PXDN: variants seen among roughly 807,000 people sequenced by gnomAD.
PXDN encodes the protein peroxidasin.
In PXDN, 77 loss-of-function variants were observed where a neutral mutation model predicts 140.3. That is an observed-to-expected ratio of 0.55 (90% CI 0.46 to 0.66). PXDN has a LOEUF of 0.66. Among genes scored for constraint, PXDN ranks in the 30% least tolerant of loss-of-function variants. The probability of loss-of-function intolerance (pLI) is 0.00; values close to 1 mark genes in which losing one functional copy is unlikely to be tolerated. For synonymous variants in PXDN, 911 were observed against 857.4 expected, an observed-to-expected ratio of 1.06 and a Z score of -1.09; for missense variants, 1,838 against 2,039.5, an observed-to-expected ratio of 0.90 and a Z score of 1.90.
chr2:1,699,291 C>T (rs17038986), intron 1 of PXDN, among the ~76,000 whole-genome samples: 23,525 of 152,156 alleles, frequency 0.15, 3,000 homozygotes, highest in East Asian at 0.59. Flanking sequence ...AAAGCGGTCA[C>T]TAAAGATTAT....
intron 1 of PXDN, among the ~76,000 whole-genome samples, chr2:1,727,604 A>G (rs1685218894): frequency 6.6e-6 from 1 of 152,086 alleles, no homozygotes; most frequent in South Asian, 2.1e-4. Context: ...ATTTTTCCTC[A>G]GCCCTCAGTT....
At position 1,662,054 on chromosome 2, in the gene PXDN, G is replaced by T; in HGVS notation, c.1680+18C>A. 1 of 1,564,320 alleles carries T rather than the reference G, an allele frequency of 6.4e-7. No individual in the cohort carries two copies. Among genetic ancestry groups the T allele is most frequent in the Non-Finnish European group, 8.7e-7 (1 of 1,153,638 alleles). ...CTTGTATCTGGGTGGTGGCTGGCTC[G>T]GGCACCAGACCGCCTACCTTGTTCC... On this transcript the variant is annotated intron_variant, in intron 13 of 22. Coordinates refer to ENST00000252804, the MANE Select transcript of PXDN (RefSeq NM_012293.3).
chr2:1,731,618 C>A (rs1236944805), intron 1 of PXDN, among the ~76,000 whole-genome samples: 2 of 152,218 alleles, frequency 1.3e-5, no homozygotes, highest in African/African-American at 4.8e-5. Flanking sequence ...GTGACAACTA[C>A]TCACCTCTGC....
intron 14 of PXDN, among the ~76,000 whole-genome samples, chr2:1,658,238 G>C (rs1005244836): frequency 6.8e-6 from 1 of 147,820 alleles, no homozygotes; most frequent in African/African-American, 2.7e-5. Context: ...ACTTCACGCT[G>C]TTGTCTTCAA....
intron 1 of PXDN, among the ~76,000 whole-genome samples, chr2:1,715,870 T>C (rs1410536489): frequency 2.0e-5 from 3 of 152,156 alleles, no homozygotes; most frequent in Non-Finnish European, 4.4e-5. Context: ...GACACAGACA[T>C]AGTTTTTTCC....
chr2:1,666,051 C>A (rs1334070904), intron 10 of PXDN, among the ~76,000 whole-genome samples, 163 bp downstream of exon 10: 1 of 152,146 alleles, frequency 6.6e-6, no homozygotes, highest in South Asian at 2.1e-4. Context: ...AAACTGCAGT[C>A]GTCTGTATTT....
intron 1 of PXDN, among the ~76,000 whole-genome samples, chr2:1,741,737 T>A (rs751860801): frequency 4.6e-5 from 7 of 152,246 alleles, no homozygotes; most frequent in Admixed American, 2.6e-4. Flanking sequence ...GGTTTTTTTT[T>A]AAATTTTCAT....
At chr2:1,653,583 C>T (rs780957982) in intron 16 of PXDN, 45 bp downstream of exon 16, 12 of 1,602,924 alleles carry the variant, frequency 7.5e-6, no homozygotes, top group East Asian at 4.5e-5. Flanking sequence ...TGTTCAACCC[C>T]GTTACTCAGG....
chr2:1,672,341 T>A (rs1372191999), intron 9 of PXDN: 1 of 152,250 alleles, frequency 6.6e-6, no homozygotes, highest in Non-Finnish European at 1.5e-5. Flanking sequence ...CCTATGAACA[T>A]AGTAACTCTC....
At chr2:1,718,926 T>A (rs994105618) in intron 1 of PXDN, among the ~76,000 whole-genome samples, 2 of 152,252 alleles carry the variant, frequency 1.3e-5, no homozygotes, top group Non-Finnish European at 2.9e-5. Flanking sequence ...AGAGGGGTTC[T>A]TATGGCCGTG....
rs1683195626 is a variant in PXDN, at chr2:1,658,044, CT to C, written c.1837+2836del. 3.6e-5 allele frequency among the ~76,000 whole-genome samples: 4 copies of C among 111,070 alleles called. 1 individual carries two copies. The highest frequency in any genetic ancestry group is 7.2e-5 in the Non-Finnish European group (4 of 55,784). 72.9% of individuals were successfully genotyped at this position (111,070 alleles called of 152,430 possible). ...AGCTGTGGGCTCTCTCTCTCTCTCTCTCTCTCTCTCTCTCTCTCTCTCTCTC... is the reference window on the plus strand; with the variant it reads ...AGCTGTGGGCTCTCTCTCTCTCTCTCCTCTCTCTCTCTCTCTCTCTCTCTC... On this transcript the variant is annotated intron_variant, in intron 14 of 22. Transcript: ENST00000252804.
intron 1 of PXDN, among the ~76,000 whole-genome samples, chr2:1,724,054 A>G (rs1489287729): frequency 1.3e-5 from 2 of 152,254 alleles, no homozygotes; most frequent in African/African-American, 4.8e-5. Flanking sequence ...AAATTTAATG[A>G]CAAGGACTTC....
Position 1,721,641 on chromosome 2 carries a change from A to C in PXDN, c.200+22615T>G, listed in dbSNP as rs570759814. The stretch of plus-strand genomic sequence containing the variant: ...CACGAGGTCAGGAGATCAAGACCAT[A>C]CTGGCTAACACAGTGAAACCCCGTC... On this transcript the variant is annotated intron_variant, in intron 1 of 22. Transcript: ENST00000252804. Among the ~76,000 whole-genome samples, 32 of 152,238 alleles carry C rather than the reference A, an allele frequency of 2.1e-4. 1 individual carries two copies. Among genetic ancestry groups the C allele is most frequent in the East Asian group, 1.4e-3 (7 of 5,160 alleles).
rs74164529 is a variant in PXDN, at chr2:1,644,071, CAAAAAAAAAA to C, written c.3744-505_3744-496del. Among the ~76,000 whole-genome samples the C allele has an allele frequency of 5.7e-3, 221 of 38,450 alleles. 3 individuals carry two copies. The highest frequency in any genetic ancestry group is 7.5e-3 in the Non-Finnish European group (182 of 24,144). The allele number at this position is 38,450 out of a possible 152,430, so 25.2% of individuals were successfully genotyped here. A position where few individuals can be genotyped will look rare whatever the true frequency, so the allele number is the denominator to read the frequency against. ...TGGGTGACAGAGCAAGACTCTGTCT[CAAAAAAAAAA>C]AAAAAAAAAAAAAAAAAGAACGACA... On this transcript the variant is annotated intron_variant, in intron 18 of 22. Coordinates refer to ENST00000252804, the MANE Select transcript of PXDN (RefSeq NM_012293.3).
chr2:1,661,017 TTC>T lies in PXDN; in HGVS notation c.1699_1700del (p.Glu567LysfsTer9), dbSNP rs1683292762. On this transcript the variant is annotated frameshift_variant, in exon 14 of 23. Coordinates refer to ENST00000252804, the MANE Select transcript of PXDN (RefSeq NM_012293.3). LOFTEE classifies it high-confidence loss of function. Reference sequence around the variant, plus strand: ...CAGGGCTGATGTGAAATTTTCCACTTTCTGTCACCTGAACCCCATCCTGGAGC... The same window carrying T: ...CAGGGCTGATGTGAAATTTTCCACTTTGTCACCTGAACCCCATCCTGGAGC... ...TWNKDGVQVT[E>X]SGKFHISPEG... is the part of the protein sequence containing the mutation. The T allele has an allele frequency of 6.2e-7, 1 of 1,613,852 alleles. No homozygotes were observed. Among genetic ancestry groups the T allele is most frequent in the African/African-American group, 1.3e-5 (1 of 74,926 alleles).
In PXDN at chr2:1,659,737, C is replaced by T. The variant is rs552719876; in HGVS notation, c.1837+1144G>A. Among the ~76,000 whole-genome samples, 12 of 152,246 alleles carry T rather than the reference C, an allele frequency of 7.9e-5. No individual in the cohort carries two copies. In the South Asian group the frequency reaches 1.7e-3, roughly 21 times the overall value. On this transcript the variant is annotated intron_variant, in intron 14 of 22. Coordinates refer to ENST00000252804, the MANE Select transcript of PXDN (RefSeq NM_012293.3). ...ACACTTAATTTTACACTTAATTTTA[C>T]ATCAACTTTACATTTCACACTCTAC... is the stretch of plus-strand genomic sequence containing the variant.
intron 1 of PXDN, among the ~76,000 whole-genome samples, chr2:1,711,568 T>TCTCCACCAGCACCCA: frequency 1.0e-5 from 1 of 98,354 alleles, no homozygotes; most frequent in South Asian, 3.9e-4. Context: ...CAGCATCCAC[T>TCTCCACCAGCACCCA]CTCCACCAGC....
rs185885215 is a variant in PXDN, at chr2:1,739,341, G to A, written c.200+4915C>T. On this transcript the variant is annotated intron_variant, in intron 1 of 22. Transcript: ENST00000252804. Reference sequence around the variant, plus strand: ...AGCAAGCCAAGTCACCCACGCTGGGGAGAAAACGATAGAATATCACAGCAT... The same window carrying A: ...AGCAAGCCAAGTCACCCACGCTGGGAAGAAAACGATAGAATATCACAGCAT... 2.4e-3 allele frequency among the ~76,000 whole-genome samples: 372 copies of A among 152,244 alleles called. 4 individuals carry two copies. The highest frequency in any genetic ancestry group is 7.8e-4 in the Non-Finnish European group (53 of 68,020).
chr2:1,678,694 C>A (rs1683789410), intron 7 of PXDN, among the ~76,000 whole-genome samples: 1 of 152,228 alleles, frequency 6.6e-6, no homozygotes, highest in South Asian at 2.1e-4. Flanking sequence ...CTGGGCAACA[C>A]AGGTCCCTGG....
Sources: allele counts gnomAD v4.1 joint callset (sites outside exome capture counted in the v4.1 genomes callset), GRCh38; gene constraint gnomAD v4.1.1; transcripts MANE v1.5; gene names NCBI Gene and HGNC (gene_info 2026-07-23, HGNC 2026-07-21).